The following MAN1A2 variants were observed in gnomAD, a reference collection of about 807,000 sequenced individuals.
MAN1A2 encodes the protein mannosidase alpha class 1A member 2, also known as mannosyl-oligosaccharide 1,2-alpha-mannosidase IB.
A neutral mutation model predicts 75.7 loss-of-function variants in MAN1A2; 26 were observed. That is an observed-to-expected ratio of 0.34 (90% CI 0.25 to 0.48). The LOEUF (loss-of-function observed/expected upper bound fraction) is 0.48. MAN1A2 is among the 20% of genes least tolerant of loss of function. The pLI, the probability that MAN1A2 is intolerant of heterozygous loss-of-function variation, is 0.99. For synonymous variants in MAN1A2, 247 were observed against 264.6 expected, an observed-to-expected ratio of 0.93 and a Z score of 0.65; for missense variants, 562 against 775.5, an observed-to-expected ratio of 0.72 and a Z score of 3.27.
At chr1:117,382,821 A>G (rs1310554121) in intron 1 of MAN1A2, among the ~76,000 whole-genome samples, 1 of 152,132 alleles carries the variant, frequency 6.6e-6, no homozygotes, top group Non-Finnish European at 1.5e-5. Flanking sequence ...TGAGCATGGA[A>G]TGTTCTTCCA....
intron 5 of MAN1A2, among the ~76,000 whole-genome samples, chr1:117,440,952 CTAAT>C (rs1167294986): frequency 6.6e-6 from 1 of 151,886 alleles, no homozygotes; most frequent in Non-Finnish European, 1.5e-5. Flanking sequence ...TTTGCTTTTC[CTAAT>C]TAATGAGATG....
At chr1:117,466,865 A>G (rs1649997666) in intron 8 of MAN1A2, among the ~76,000 whole-genome samples, 1 of 152,118 alleles carries the variant, frequency 6.6e-6, no homozygotes, top group East Asian at 1.9e-4. Context: ...CCTGGCCTTC[A>G]TTATTTACCA....
chr1:117,512,642 G>C (rs948026317), intron 12 of MAN1A2, among the ~76,000 whole-genome samples: 5 of 151,880 alleles, frequency 3.3e-5, no homozygotes, highest in Non-Finnish European at 7.4e-5. Flanking sequence ...TATTTATGTA[G>C]TTCAGTCTCT....
intron 4 of MAN1A2, among the ~76,000 whole-genome samples, chr1:117,417,173 T>A: frequency 6.6e-6 from 1 of 152,160 alleles, no homozygotes; most frequent in East Asian, 1.9e-4. Context: ...GATTTGAACC[T>A]GAGAGAAGTA....
chr1:117,481,381 G>T (rs2101859809), intron 8 of MAN1A2, among the ~76,000 whole-genome samples: 1 of 151,584 alleles, frequency 6.6e-6, no homozygotes, highest in Middle Eastern at 3.4e-3. Flanking sequence ...TCAATACATT[G>T]CATTCTGGGC....
intron 12 of MAN1A2, among the ~76,000 whole-genome samples, chr1:117,511,209 A>G (rs1375525979): frequency 6.6e-6 from 1 of 152,038 alleles, no homozygotes; most frequent in Admixed American, 6.6e-5. Context: ...ATATGGGGGA[A>G]ACCACCCCCA....
chr1:117,483,331 A>G (rs1373169235), intron 8 of MAN1A2, among the ~76,000 whole-genome samples: 2 of 151,966 alleles, frequency 1.3e-5, no homozygotes, highest in African/African-American at 4.8e-5. Flanking sequence ...ACTTTGGGCA[A>G]TATGGCCATT....
At chr1:117,466,716 T>G (rs1013456013) in intron 8 of MAN1A2, among the ~76,000 whole-genome samples, 1 of 152,126 alleles carries the variant, frequency 6.6e-6, no homozygotes, top group Admixed American at 6.6e-5. Flanking sequence ...ATTAATAAAT[T>G]ATATCTTCAT....
At chr1:117,459,223 AG>A (rs1273496877) in intron 6 of MAN1A2, among the ~76,000 whole-genome samples, 1 of 152,216 alleles carries the variant, frequency 6.6e-6, no homozygotes, top group African/African-American at 2.4e-5. Context: ...ACTGAAACAT[AG>A]GGACAAAATC....
chr1:117,484,674 A>AT (rs1270220873), intron 8 of MAN1A2, among the ~76,000 whole-genome samples: 1 of 152,018 alleles, frequency 6.6e-6, no homozygotes, highest in Non-Finnish European at 1.5e-5. Flanking sequence ...ACTGCAATAA[A>AT]TCTTACACAT....
intron 11 of MAN1A2, among the ~76,000 whole-genome samples, chr1:117,500,319 A>G (rs369269442): frequency 4.8e-4 from 73 of 152,008 alleles, no homozygotes; most frequent in Non-Finnish European, 8.0e-4. Context: ...CATATGGGAA[A>G]TGGTAACAGA....
chr1:117,406,626 G>A (rs188641073), intron 3 of MAN1A2, among the ~76,000 whole-genome samples: 1 of 152,106 alleles, frequency 6.6e-6, no homozygotes, highest in African/African-American at 2.4e-5. Context: ...AAGGAAAAAA[G>A]TTTCCTCTAG....
chr1:117,508,035 A>G (rs761233888), intron 12 of MAN1A2, among the ~76,000 whole-genome samples: 3 of 151,678 alleles, frequency 2.0e-5, no homozygotes, highest in Non-Finnish European at 4.4e-5. Flanking sequence ...TGGATTCTCT[A>G]TGGTTCTATC....
chr1:117,458,813 C>T (rs528138259), intron 6 of MAN1A2, among the ~76,000 whole-genome samples: 6 of 151,780 alleles, frequency 4.0e-5, no homozygotes, highest in Non-Finnish European at 8.8e-5. Flanking sequence ...CGTGAGCCAC[C>T]GCGCCTGGCA....
intron 3 of MAN1A2, among the ~76,000 whole-genome samples, chr1:117,409,604 G>A (rs548700169): frequency 6.6e-6 from 1 of 152,132 alleles, no homozygotes; most frequent in Non-Finnish European, 1.5e-5. Context: ...GGGTTGTTCA[G>A]GCTGTCTCTA....
intron 7 of MAN1A2, among the ~76,000 whole-genome samples, chr1:117,464,820 A>G (rs1445900771): frequency 6.6e-6 from 1 of 152,156 alleles, no homozygotes; most frequent in East Asian, 1.9e-4. Flanking sequence ...TAAAAAAAAC[A>G]TTTATGTCTG....
In MAN1A2 at chr1:117,460,476, C is replaced by T; in HGVS notation, c.951-13C>T. 6.3e-7 allele frequency: 1 copy of T among 1,595,272 alleles called. No homozygotes were observed. The highest frequency in any genetic ancestry group is 8.5e-7 in the Non-Finnish European group (1 of 1,173,260). On this transcript the variant is annotated splice_polypyrimidine_tract_variant and intron_variant, in intron 6 of 12. Transcript: ENST00000356554. ...CAATCCTGTGTCTCCTTTTACTTTT[C>T]CTTTTCATTCAGTGGAGTAGGGCGA...
intron 12 of MAN1A2, among the ~76,000 whole-genome samples, chr1:117,503,640 T>G (rs565597251): frequency 6.6e-6 from 1 of 151,672 alleles, no homozygotes; most frequent in East Asian, 1.9e-4. Context: ...CTTAAATTTA[T>G]TATTTGTATT....
intron 7 of MAN1A2, among the ~76,000 whole-genome samples, chr1:117,463,712 GT>G (rs1310862707): frequency 6.1e-5 from 9 of 146,588 alleles, no homozygotes; most frequent in African/African-American, 2.3e-4. Context: ...TTTAAAAACA[GT>G]AAAAAAAAAA....
Sources: gnomAD v4.1 joint callset for allele counts (sites outside exome capture counted in the v4.1 genomes callset) on GRCh38, gnomAD v4.1.1 for gene constraint, MANE v1.5 for transcripts, NCBI Gene and HGNC (gene_info 2026-07-23, HGNC 2026-07-21) for gene names.